PIK3R4: variants seen among roughly 807,000 people sequenced by gnomAD.
PIK3R4 encodes the protein phosphoinositide 3-kinase regulatory subunit 4.
A neutral mutation model predicts 136.5 loss-of-function variants in PIK3R4; 46 were observed. The observed-to-expected ratio is 0.34, with a 90% confidence interval of 0.27 to 0.43. PIK3R4 has a LOEUF of 0.43. PIK3R4 is among the 20% of genes least tolerant of loss of function. PIK3R4 has a pLI of 1.00. For synonymous variants in PIK3R4, 557 were observed against 566.7 expected, an observed-to-expected ratio of 0.98 and a Z score of 0.24; for missense variants, 1,331 against 1,649.5, an observed-to-expected ratio of 0.81 and a Z score of 3.35.
chr3:130,714,529 G>A (rs1478823704), intron 9 of PIK3R4, among the ~76,000 whole-genome samples: 2 of 152,074 alleles, frequency 1.3e-5, no homozygotes, highest in African/African-American at 4.8e-5. Flanking sequence ...AGAATGTGCA[G>A]GTTTGTTACA....
At chr3:130,729,101 GGTCA>G (rs2066748795) in intron 5 of PIK3R4, among the ~76,000 whole-genome samples, 1 of 152,112 alleles carries the variant, frequency 6.6e-6, no homozygotes, top group African/African-American at 2.4e-5. Flanking sequence ...TGTTTTTAAA[GGTCA>G]GTTTATTTTA....
chr3:130,684,365 G>T lies in PIK3R4; in HGVS notation c.3492C>A (p.Thr1164=). ...GGAACCTCATGTCCCAACAAGCCAT[G>T]GTACCACTGCTTGTACCTTAAAGAA... ...CWLCIGTSSG[T]MACWDMRFQL... The change falls in exon 16 of 20, where the codon ACC becomes ACA. Residue 1164 remains threonine, a synonymous_variant. Coordinates refer to ENST00000356763, the MANE Select transcript of PIK3R4 (RefSeq NM_014602.3). 1 of 1,613,136 alleles carries T rather than the reference G, an allele frequency of 6.2e-7. No homozygotes were observed. The highest frequency in any genetic ancestry group is 8.5e-7 in the Non-Finnish European group (1 of 1,179,388).
intron 8 of PIK3R4, among the ~76,000 whole-genome samples, chr3:130,717,749 C>A (rs1287008675): frequency 6.6e-6 from 1 of 152,160 alleles, no homozygotes; most frequent in Non-Finnish European, 1.5e-5. Context: ...AAAATAGGAA[C>A]TTTCAGATGT....
chr3:130,715,083 A>G (rs2066655782), intron 9 of PIK3R4, among the ~76,000 whole-genome samples: 1 of 135,978 alleles, frequency 7.4e-6, no homozygotes, highest in African/African-American at 2.8e-5. Flanking sequence ...AAGTATTCCT[A>G]TTTCTCCACA....
At chr3:130,694,669 A>T (rs1423328902) in intron 13 of PIK3R4, among the ~76,000 whole-genome samples, 1 of 152,072 alleles carries the variant, frequency 6.6e-6, no homozygotes, top group Non-Finnish European at 1.5e-5. Context: ...GTAAGTTTTT[A>T]AAACAATTAT....
At chr3:130,702,092 T>C (rs1295675035) in intron 13 of PIK3R4, among the ~76,000 whole-genome samples, 1 of 151,998 alleles carries the variant, frequency 6.6e-6, no homozygotes, top group Admixed American at 6.6e-5. Context: ...CAGTGAGCTA[T>C]GATCAGGCCA....
chr3:130,683,636 G>T (rs1263509468), intron 16 of PIK3R4, among the ~76,000 whole-genome samples: 1 of 152,166 alleles, frequency 6.6e-6, no homozygotes, highest in Non-Finnish European at 1.5e-5. Context: ...GGACCACAAA[G>T]AGCCTAGAGG....
chr3:130,696,193 G>A (rs2066545531), intron 13 of PIK3R4, among the ~76,000 whole-genome samples: 1 of 151,100 alleles, frequency 6.6e-6, no homozygotes, highest in African/African-American at 2.4e-5. Context: ...CTATAGTAAA[G>A]GTGTGCCAAT....
intron 16 of PIK3R4, among the ~76,000 whole-genome samples, chr3:130,682,465 G>A (rs74281842): frequency 0.031 from 4,772 of 152,140 alleles, 218 homozygotes; most frequent in East Asian, 0.1. Flanking sequence ...CTGGCCTCTA[G>A]AATTATTAAA....
chr3:130,680,228 G>C (rs2066449536), intron 19 of PIK3R4, among the ~76,000 whole-genome samples: 1 of 152,152 alleles, frequency 6.6e-6, no homozygotes, highest in Non-Finnish European at 1.5e-5. Context: ...CTCACTTGAA[G>C]TTTTTGCCTG....
chr3:130,724,638 GA>G (rs1033126548), intron 6 of PIK3R4, among the ~76,000 whole-genome samples: 5 of 152,020 alleles, frequency 3.3e-5, no homozygotes, highest in Non-Finnish European at 1.5e-5. Flanking sequence ...TAAAGAGAAA[GA>G]AAAGGGGCAC....
Position 130,734,560 on chromosome 3 carries a change from C to T in PIK3R4, c.868-430G>A, listed in dbSNP as rs145169200. Among the ~76,000 whole-genome samples the T allele has an allele frequency of 1.2e-4, 19 of 152,264 alleles. No homozygotes were observed. The East Asian group carries it at 3.1e-3, about 25-fold the overall frequency. ...ACCCCTAAAATCCATTTACATATCC[C>T]GGGTTGAGTTATGGTTCAGAACCTT... On this transcript the variant is annotated intron_variant, in intron 3 of 19. Coordinates refer to ENST00000356763, the MANE Select transcript of PIK3R4 (RefSeq NM_014602.3).
At chr3:130,701,531 A>G (rs2107606208) in intron 13 of PIK3R4, among the ~76,000 whole-genome samples, 1 of 151,956 alleles carries the variant, frequency 6.6e-6, no homozygotes, top group African/African-American at 2.4e-5. Flanking sequence ...AAGGCTAAGA[A>G]TGGTTAGGAA....
rs549113010 is a variant in PIK3R4 at position 130,724,825 on chromosome 3, GA to G, written c.1808-1239del. ...GTGAATTAAATCTTCATCTGGCACA[GA>G]AAAAAATTCAAGAGATAAAGTCCAA... On this transcript the variant is annotated intron_variant, in intron 6 of 19. Coordinates refer to ENST00000356763, the MANE Select transcript of PIK3R4 (RefSeq NM_014602.3). 9.2e-3 allele frequency among the ~76,000 whole-genome samples: 1,402 copies of G among 151,902 alleles called. 28 individuals are homozygous for G. Among genetic ancestry groups the G allele is most frequent in the African/African-American group, 0.031 (1,288 of 41,496 alleles).
chr3:130,733,925 C>T lies in PIK3R4; in HGVS notation c.1073G>A (p.Cys358Tyr), dbSNP rs756195199. ...GGCTTTTTCTGGCAGATCATGTCCA[C>T]AGAGATTGTGAATAATGTTGCCCAA... ...KDLGNIIHNL[C>Y]GHDLPEKAEG... Residue 358 changes from cysteine (C) to tyrosine (Y), a missense_variant, in exon 4 of 20, where the codon TGT (cysteine) becomes TAT (tyrosine). Around this residue, in one of 2 missense-constraint regions of PIK3R4, gnomAD observed 1,180 missense variants for 1,407.0 expected, o/e 0.84. Transcript: ENST00000356763. The T allele has an allele frequency of 2.5e-6, 4 of 1,614,154 alleles. No homozygotes were observed. Among genetic ancestry groups the T allele is most frequent in the Non-Finnish European group, 3.4e-6 (4 of 1,180,008 alleles).
rs748229852 is a variant in PIK3R4 at position 130,730,358 on chromosome 3, T to C, written c.1535A>G (p.Asn512Ser). 3.7e-6 allele frequency: 6 copies of C among 1,601,074 alleles called. No individual in the cohort carries two copies. In the East Asian group the frequency reaches 1.4e-4, roughly 36 times the overall value. The change falls in exon 5 of 20, where the codon AAT becomes AGT. Residue 512 changes from asparagine (N) to serine (S), a missense_variant. Physicochemically the swap from Asn to Ser is conservative, Grantham distance 46 (BLOSUM62 1). Coordinates refer to ENST00000356763, the MANE Select transcript of PIK3R4 (RefSeq NM_014602.3). ...TGTAACCTCATCTATTTCTTCATTATTGGGGTCATTTTCCATATTAAGATT... is the reference window on the plus strand; with the variant it reads ...TGTAACCTCATCTATTTCTTCATTACTGGGGTCATTTTCCATATTAAGATT... ...LKNLNMENDP[N>S]NEEIDEVTHP...
chr3:130,721,484 T>C (rs1458615621), intron 7 of PIK3R4, among the ~76,000 whole-genome samples: 1 of 152,162 alleles, frequency 6.6e-6, no homozygotes. Context: ...AGAGTCGACA[T>C]AGGAAATCAA....
At chr3:130,701,830 T>C (rs539695582) in intron 13 of PIK3R4, among the ~76,000 whole-genome samples, 2 of 152,126 alleles carry the variant, frequency 1.3e-5, no homozygotes, top group South Asian at 4.2e-4. Context: ...TATCTTATTT[T>C]GAAATCATTA....
At chr3:130,680,458 G>GTTAA (rs1420950221) in intron 19 of PIK3R4, 155 bp downstream of exon 19, 1 of 492,348 alleles carries the variant, frequency 2.0e-6, no homozygotes, top group Non-Finnish European at 3.6e-6. Flanking sequence ...CTTAATAAAA[G>GTTAA]TTAATTTTTT....
Sources: gnomAD v4.1 joint callset for allele counts (sites outside exome capture counted in the v4.1 genomes callset) on GRCh38, gnomAD v4.1.1 for gene constraint, gnomAD v4.1.1 regional missense constraint, MANE v1.5 for transcripts, NCBI Gene and HGNC (gene_info 2026-07-23, HGNC 2026-07-21) for gene names.